TBC1D5: variants seen among roughly 807,000 people sequenced by gnomAD.
The protein encoded by TBC1D5 is TBC1 domain family, member 5.
TBC1D5 carries 75 observed loss-of-function variants against 100.3 expected under a neutral mutation model. That is an observed-to-expected ratio of 0.75 (90% CI 0.62 to 0.91). The LOEUF is 0.91. TBC1D5 is among the 40% of genes least tolerant of loss of function. The pLI, the probability that TBC1D5 is intolerant of heterozygous loss-of-function variation, is 0.00. For missense variants in TBC1D5, 910 were observed against 942.4 expected (o/e 0.97, Z 0.45); for synonymous variants, 323 against 325.6 (o/e 0.99, Z 0.09).
chr3:17,276,355 G>C (rs1484935679), intron 15 of TBC1D5, among the ~76,000 whole-genome samples: 1 of 152,150 alleles, frequency 6.6e-6, no homozygotes, highest in Non-Finnish European at 1.5e-5. Flanking sequence ...TTCAACATCT[G>C]AATTTTGGGA....
chr3:17,587,180 A>G (rs924545244), intron 2 of TBC1D5, among the ~76,000 whole-genome samples: 1 of 152,024 alleles, frequency 6.6e-6, no homozygotes, highest in Non-Finnish European at 1.5e-5. Flanking sequence ...ATACACACAG[A>G]TATATTTACA....
intron 21 of TBC1D5, among the ~76,000 whole-genome samples, chr3:17,163,638 TAGCTTG>T (rs1262215934): frequency 6.6e-6 from 1 of 152,124 alleles, no homozygotes; most frequent in Admixed American, 6.6e-5. Flanking sequence ...CCTCATTTCA[TAGCTTG>T]AGTTTAGGAT....
chr3:17,313,781 G>A (rs565446135), intron 13 of TBC1D5, among the ~76,000 whole-genome samples: 1 of 152,192 alleles, frequency 6.6e-6, no homozygotes, highest in Non-Finnish European at 1.5e-5. Context: ...TCCATAAGCA[G>A]TCAATCTCAC....
At chr3:17,178,351 C>G (rs780187927) in intron 19 of TBC1D5, among the ~76,000 whole-genome samples, 3 of 151,928 alleles carry the variant, frequency 2.0e-5, no homozygotes, top group Admixed American at 1.3e-4. Flanking sequence ...AGGCGTGAGC[C>G]ACTGTGCCTG....
chr3:17,548,144 T>C (rs2153440389), intron 2 of TBC1D5, among the ~76,000 whole-genome samples: 1 of 151,922 alleles, frequency 6.6e-6, no homozygotes, highest in African/African-American at 2.4e-5. Flanking sequence ...TGAAACCCCA[T>C]CTCTATTAAA....
rs553272352 is a variant in TBC1D5 at position 17,679,622 on chromosome 3, T to C, written c.-100-55709A>G. Among the ~76,000 whole-genome samples the C allele has an allele frequency of 7.9e-5, 12 of 151,650 alleles. No homozygotes were observed. In the South Asian group the frequency reaches 2.5e-3, roughly 31 times the overall value. On this transcript the variant is annotated intron_variant, in intron 1 of 21. Coordinates refer to ENST00000253692, the Ensembl canonical transcript of TBC1D5. The stretch of plus-strand genomic sequence containing the variant: ...AAAATTTTTCAACTAAATATCTACT[T>C]AGAAACACTATAAATTAGGAAGTGG...
chr3:17,255,495 C>T (rs1574980748), intron 16 of TBC1D5, among the ~76,000 whole-genome samples: 1 of 152,200 alleles, frequency 6.6e-6, no homozygotes, highest in East Asian at 1.9e-4. Context: ...CCACCGCACC[C>T]GGCCAGATCC....
At chr3:17,197,180 C>T (rs1287459549) in intron 18 of TBC1D5, among the ~76,000 whole-genome samples, 6 of 152,176 alleles carry the variant, frequency 3.9e-5, no homozygotes, top group Admixed American at 1.3e-4. Context: ...TGTCCACTTC[C>T]GCAACTGAGC....
chr3:17,432,825 A>G (rs938773157), intron 3 of TBC1D5, among the ~76,000 whole-genome samples: 42 of 152,376 alleles, frequency 2.8e-4, no homozygotes, highest in African/African-American at 9.4e-4. Context: ...CAAAAGACAG[A>G]AAGCAGCATG....
intron 3 of TBC1D5, among the ~76,000 whole-genome samples, chr3:17,441,890 AG>A (rs1369152590): frequency 2.0e-5 from 3 of 152,140 alleles, no homozygotes; most frequent in Non-Finnish European, 4.4e-5. Flanking sequence ...AGTACATCAT[AG>A]GTTACTAGTA....
intron 2 of TBC1D5, among the ~76,000 whole-genome samples, chr3:17,510,590 G>A (rs554128218): frequency 6.6e-6 from 1 of 151,926 alleles, no homozygotes; most frequent in South Asian, 2.1e-4. Flanking sequence ...ATCTAGTAGA[G>A]GACAGCGAAA....
chr3:17,195,498 G>C (rs557118744), intron 18 of TBC1D5, among the ~76,000 whole-genome samples: 41 of 152,322 alleles, frequency 2.7e-4, no homozygotes, highest in African/African-American at 9.1e-4. Flanking sequence ...CTGCACAATG[G>C]CTGGCCCAGA....
intron 17 of TBC1D5, among the ~76,000 whole-genome samples, chr3:17,230,481 C>T (rs2075318375): frequency 3.3e-5 from 5 of 152,020 alleles, no homozygotes; most frequent in Admixed American, 3.3e-4. Context: ...GGAGATTCTC[C>T]CCTACTCCCA....
At chr3:17,714,134 G>T (rs2075018902) in intron 1 of TBC1D5, among the ~76,000 whole-genome samples, 1 of 152,104 alleles carries the variant, frequency 6.6e-6, no homozygotes. Flanking sequence ...AAATTATTGT[G>T]TATATCTGTT....
chr3:17,451,094 G>T (rs967774566), intron 3 of TBC1D5, among the ~76,000 whole-genome samples: 2 of 152,162 alleles, frequency 1.3e-5, no homozygotes, highest in Admixed American at 1.3e-4. Flanking sequence ...TTAAAGAAAA[G>T]AATTTTCAAC....
chr3:17,349,899 G>A (rs2090349124), intron 13 of TBC1D5, among the ~76,000 whole-genome samples: 1 of 152,062 alleles, frequency 6.6e-6, no homozygotes. Flanking sequence ...ACAGATCCAT[G>A]GTTTATATGA....
intron 16 of TBC1D5, among the ~76,000 whole-genome samples, chr3:17,242,881 A>C (rs2076419927): frequency 6.6e-6 from 1 of 152,170 alleles, no homozygotes; most frequent in Non-Finnish European, 1.5e-5. Flanking sequence ...TTTTATTACA[A>C]GTAGACAGTA....
intron 3 of TBC1D5, among the ~76,000 whole-genome samples, chr3:17,455,256 GTATACATATATACATATATGTGTGTA>G (rs1224121676): frequency 1.4e-5 from 2 of 142,738 alleles, no homozygotes; most frequent in East Asian, 4.1e-4. Context: ...TTGTATATAT[GTATACATATATACATATATGTGTGTA>G]TATATGTATA....
chr3:17,553,590 A>G (rs1469534151), intron 2 of TBC1D5, among the ~76,000 whole-genome samples: 2 of 152,192 alleles, frequency 1.3e-5, no homozygotes, highest in Non-Finnish European at 1.5e-5. Context: ...CTTTGACACA[A>G]AGTCGTTTTT....
Sources: allele counts gnomAD v4.1 joint callset (sites outside exome capture counted in the v4.1 genomes callset), GRCh38; gene constraint gnomAD v4.1.1; transcripts MANE v1.5; gene names NCBI Gene and HGNC (gene_info 2026-07-23, HGNC 2026-07-21).